PALM2AKAP2: variants seen among roughly 807,000 people sequenced by gnomAD.
PALM2AKAP2 encodes the protein PALM2-AKAP2 fusion protein.
In PALM2AKAP2, 37 loss-of-function variants were observed where a neutral mutation model predicts 71.5. That is an observed-to-expected ratio of 0.52 (90% CI 0.40 to 0.68). The LOEUF (loss-of-function observed/expected upper bound fraction) is 0.68. Ranked by LOEUF, PALM2AKAP2 falls within the 30% of genes least tolerant of loss-of-function variation. The pLI, the probability that PALM2AKAP2 is intolerant of heterozygous loss-of-function variation, is 0.00. For missense variants in PALM2AKAP2, 1,224 were observed against 1,191.8 expected (o/e 1.03, Z -0.40); for synonymous variants, 468 against 478.8 (o/e 0.98, Z 0.29).
At chr9:110,135,641 G>A (rs1473068485) in intron 1 of PALM2AKAP2, among the ~76,000 whole-genome samples, 1 of 152,176 alleles carries the variant, frequency 6.6e-6, no homozygotes, top group African/African-American at 2.4e-5. Context: ...CCTGTGTGCT[G>A]CCATTAAAGG....
At chr9:109,881,690 T>C (rs1215220437) in intron 3 of PALM2AKAP2, among the ~76,000 whole-genome samples, 1 of 151,568 alleles carries the variant, frequency 6.6e-6, no homozygotes, top group Non-Finnish European at 1.5e-5. Flanking sequence ...ATAATGTAGG[T>C]TTTTACTTGG....
chr9:110,039,754 C>T (rs927623616), intron 7 of PALM2AKAP2, among the ~76,000 whole-genome samples: 19 of 152,202 alleles, frequency 1.2e-4, no homozygotes, highest in African/African-American at 4.6e-4. Context: ...AGGTGCTCAC[C>T]TATCTCATCT....
chr9:109,872,101 A>G (rs1334715054), intron 2 of PALM2AKAP2, among the ~76,000 whole-genome samples: 1 of 152,144 alleles, frequency 6.6e-6, no homozygotes, highest in African/African-American at 2.4e-5. Context: ...TATTCCATTA[A>G]TCTGCCCATT....
intron 7 of PALM2AKAP2, among the ~76,000 whole-genome samples, chr9:110,021,057 G>C (rs1833066168): frequency 6.6e-6 from 1 of 152,180 alleles, no homozygotes; most frequent in Non-Finnish European, 1.5e-5. Flanking sequence ...AGTGAGCTGA[G>C]ATCACACCAC....
chr9:109,659,855 T>C (rs1827363217), intron 1 of PALM2AKAP2, among the ~76,000 whole-genome samples: 1 of 152,200 alleles, frequency 6.6e-6, no homozygotes, highest in Non-Finnish European at 1.5e-5. Context: ...TTATTTATTT[T>C]TTTGAGACAG....
At chr9:110,101,855 C>G (rs1038962049) in intron 1 of PALM2AKAP2, among the ~76,000 whole-genome samples, 1 of 152,214 alleles carries the variant, frequency 6.6e-6, no homozygotes, top group African/African-American at 2.4e-5. Flanking sequence ...TAACATATGA[C>G]CCACTTACGA....
At position 109,773,568 on chromosome 9, in the gene PALM2AKAP2, G is replaced by A. The variant is rs58033068; in HGVS notation, c.6-6920G>A. Among the ~76,000 whole-genome samples the A allele has an allele frequency of 5.1e-3, 777 of 152,264 alleles. 6 individuals are homozygous for A. Among genetic ancestry groups the A allele is most frequent in the South Asian group, 0.022 (104 of 4,814 alleles). Reference sequence around the variant, plus strand: ...GTTCTCAGAGCACTTTCTCATTCACGAACTTTAAACTTATAAGAATCTAAT... The same window carrying A: ...GTTCTCAGAGCACTTTCTCATTCACAAACTTTAAACTTATAAGAATCTAAT... On this transcript the variant is annotated intron_variant, in intron 1 of 6. Transcript: ENST00000374531.
rs557383603 is a variant in PALM2AKAP2 at position 110,125,481 on chromosome 9, C to G, written c.157-10646C>G. On this transcript the variant is annotated intron_variant, in intron 1 of 3. Transcript: ENST00000374525. ...GGAGGGCCCACGGTGACATCACAGT[C>G]TTCCGTCAGGAGGCTCAGGAGGAAT... The G allele has an allele frequency of 7.1e-6, 7 of 984,526 alleles. No individual in the cohort carries two copies. In the East Asian group the frequency reaches 7.9e-4, roughly 112 times the overall value. The allele number at this position is 984,526 out of a possible 1,614,324, so 61.0% of individuals were successfully genotyped here. A position where few individuals can be genotyped will look rare whatever the true frequency, so the allele number is the denominator to read the frequency against.
chr9:109,672,066 T>A (rs755638300), intron 1 of PALM2AKAP2, among the ~76,000 whole-genome samples: 4 of 152,188 alleles, frequency 2.6e-5, no homozygotes, highest in Admixed American at 6.5e-5. Context: ...TAGTTCAACT[T>A]CCTGTCTTCC....
exon 2 of PALM2AKAP2, chr9:110,136,345 C>T: frequency 6.2e-7 from 1 of 1,614,226 alleles, no homozygotes; most frequent in Admixed American, 1.7e-5. Flanking sequence ...CGCATAATGG[C>T]CTCCTTACTG....
intron 1 of PALM2AKAP2, chr9:110,090,087 G>A (rs1834670886): frequency 4.3e-6 from 1 of 231,694 alleles, no homozygotes; most frequent in Non-Finnish European, 8.8e-6. Flanking sequence ...CTCGACTCCT[G>A]TTTCATTTGC....
intron 1 of PALM2AKAP2, among the ~76,000 whole-genome samples, chr9:110,135,073 C>T (rs751743103): frequency 4.9e-5 from 7 of 143,932 alleles, no homozygotes; most frequent in Non-Finnish European, 9.1e-5. Flanking sequence ...CCCAGCACTT[C>T]GGGAGGCTGA....
chr9:109,728,676 T>C (rs372059065), intron 1 of PALM2AKAP2, among the ~76,000 whole-genome samples: 5 of 152,326 alleles, frequency 3.3e-5, no homozygotes, highest in African/African-American at 1.2e-4. Flanking sequence ...AAAATATACA[T>C]AACCTTATCC....
chr9:109,769,707 G>A (rs975426528), intron 1 of PALM2AKAP2, among the ~76,000 whole-genome samples: 1 of 152,178 alleles, frequency 6.6e-6, no homozygotes. Context: ...GTGTTTGAGG[G>A]TGATGTGGAC....
chr9:109,837,302 A>G (rs932017988), intron 1 of PALM2AKAP2, among the ~76,000 whole-genome samples: 4 of 152,236 alleles, frequency 2.6e-5, no homozygotes, highest in African/African-American at 9.6e-5. Flanking sequence ...AAGGAGAAAT[A>G]AAATCCTTTA....
intron 1 of PALM2AKAP2, among the ~76,000 whole-genome samples, chr9:110,124,202 C>G (rs906264343): frequency 6.6e-6 from 1 of 152,174 alleles, no homozygotes; most frequent in Admixed American, 6.5e-5. Context: ...TTCCTTGACT[C>G]GTGTGCTTGG....
chr9:109,993,946 T>C (rs1420579623), intron 6 of PALM2AKAP2, among the ~76,000 whole-genome samples: 3 of 152,026 alleles, frequency 2.0e-5, no homozygotes, highest in Non-Finnish European at 4.4e-5. Flanking sequence ...CTCTTTTTTC[T>C]CCTTTCTTTT....
At chr9:110,121,464 C>T (rs1835485109) in intron 1 of PALM2AKAP2, among the ~76,000 whole-genome samples, 1 of 152,158 alleles carries the variant, frequency 6.6e-6, no homozygotes, top group African/African-American at 2.4e-5. Context: ...AAAGCTGCCC[C>T]AGCTTCGCTA....
chr9:109,738,013 C>T (rs901359189), intron 1 of PALM2AKAP2, among the ~76,000 whole-genome samples: 1 of 152,152 alleles, frequency 6.6e-6, no homozygotes, highest in African/African-American at 2.4e-5. Context: ...GCAAGAGGCA[C>T]AGACAATCAT....
Sources: allele counts gnomAD v4.1 joint callset (sites outside exome capture counted in the v4.1 genomes callset), GRCh38; gene constraint gnomAD v4.1.1; transcripts MANE v1.5; gene names NCBI Gene and HGNC (gene_info 2026-07-23, HGNC 2026-07-21).